ADK: variants seen among roughly 807,000 people sequenced by gnomAD.
The protein encoded by ADK is N6,N6-dimethyladenosine kinase.
Under a neutral mutation model 44.7 loss-of-function variants are expected in ADK, and 24 were observed. The observed-to-expected ratio is 0.54, with a 90% CI of 0.39 to 0.76. ADK has a LOEUF of 0.76. Ranked by LOEUF, ADK falls within the 30% of genes least tolerant of loss-of-function variation. The probability of loss-of-function intolerance (pLI) is 0.00; values close to 1 mark genes in which losing one functional copy is unlikely to be tolerated. For missense variants in ADK, 321 were observed against 425.1 expected (o/e 0.76, Z 2.15); for synonymous variants, 128 against 142.6 (o/e 0.90, Z 0.73).
intron 4 of ADK, among the ~76,000 whole-genome samples, chr10:74,385,160 A>C (rs1843101352): frequency 6.6e-6 from 1 of 152,200 alleles, no homozygotes; most frequent in African/African-American, 2.4e-5. Context: ...AAAGTGGCAA[A>C]TTGTATGGTT....
intron 8 of ADK, among the ~76,000 whole-genome samples, chr10:74,590,466 G>T (rs1335618821): frequency 1.3e-5 from 2 of 152,092 alleles, no homozygotes; most frequent in Non-Finnish European, 2.9e-5. Flanking sequence ...CATGTCATCA[G>T]ACTTGACAAA....
intron 3 of ADK, among the ~76,000 whole-genome samples, chr10:74,304,585 A>C (rs932209363): frequency 2.0e-5 from 3 of 152,160 alleles, no homozygotes; most frequent in African/African-American, 7.2e-5. Flanking sequence ...AGAGAATAGA[A>C]ATTCTTTTTT....
Position 74,401,351 on chromosome 10 carries a change from AGTAG to A in ADK, c.555+2775_555+2778del, listed in dbSNP as rs1349705773. Among the ~76,000 whole-genome samples, 3 of 152,138 alleles carry A rather than the reference AGTAG, an allele frequency of 2.0e-5. No individual in the cohort carries two copies. In the East Asian group the frequency reaches 5.8e-4, roughly 29 times the overall value. On this transcript the variant is annotated intron_variant, in intron 6 of 10. Transcript: ENST00000539909. ...GAGATCGAGTCCAGCTTGGGCAACAAGTAGGTCTCTAAGGACTTGCTTTATGAAT... is the reference window on the plus strand; with the variant it reads ...GAGATCGAGTCCAGCTTGGGCAACAAGTCTCTAAGGACTTGCTTTATGAAT...
intron 6 of ADK, among the ~76,000 whole-genome samples, chr10:74,407,018 C>T (rs1256048509): frequency 4.1e-5 from 6 of 146,680 alleles, no homozygotes; most frequent in African/African-American, 7.6e-5. Flanking sequence ...GTTCTCGTTC[C>T]GTCGCCCAAG....
chr10:74,541,516 G>A (rs1849625232), intron 7 of ADK, among the ~76,000 whole-genome samples: 1 of 152,072 alleles, frequency 6.6e-6, no homozygotes, highest in Non-Finnish European at 1.5e-5. Context: ...ATTTTGAAGA[G>A]TCCTGACTGG....
intron 9 of ADK, among the ~76,000 whole-genome samples, chr10:74,642,767 T>G (rs1409428138): frequency 6.6e-6 from 1 of 151,884 alleles, no homozygotes; most frequent in Non-Finnish European, 1.5e-5. Flanking sequence ...TCAAAACTTA[T>G]TCTCCTGAGT....
At chr10:74,473,187 CACACAG>C (rs993952666) in intron 6 of ADK, among the ~76,000 whole-genome samples, 1 of 87,090 alleles carries the variant, frequency 1.1e-5, no homozygotes, top group African/African-American at 3.1e-5. Context: ...CATACATATA[CACACAG>C]ACACACACAC....
At chr10:74,357,846 AAAG>A (rs1156380884) in intron 4 of ADK, among the ~76,000 whole-genome samples, 2 of 152,216 alleles carry the variant, frequency 1.3e-5, no homozygotes, top group African/African-American at 4.8e-5. Flanking sequence ...AAACTAAAAA[AAAG>A]TTATAGATTG....
chr10:74,646,740 A>T (rs1854068274), intron 9 of ADK, among the ~76,000 whole-genome samples: 1 of 152,204 alleles, frequency 6.6e-6, no homozygotes, highest in Non-Finnish European at 1.5e-5. Flanking sequence ...AATATTGAAG[A>T]AAAAATGAAG....
At chr10:74,269,845 AAAAT>A (rs1846358893) in intron 3 of ADK, among the ~76,000 whole-genome samples, 1 of 152,138 alleles carries the variant, frequency 6.6e-6, no homozygotes, top group Non-Finnish European at 1.5e-5. Context: ...AAAAATACAA[AAAAT>A]TAGCTGGGCG....
chr10:74,592,980 C>G (rs1302624075), intron 8 of ADK, among the ~76,000 whole-genome samples: 1 of 152,174 alleles, frequency 6.6e-6, no homozygotes, highest in African/African-American at 2.4e-5. Context: ...CAGGATAGAA[C>G]ATATGCATCA....
At position 74,346,752 on chromosome 10, in the gene ADK, T is replaced by C. The variant is rs552184879; in HGVS notation, c.273+32007T>C. ...ACGACAGTTCCATAACAGGAATGAA[T>C]TGAAGAAGAGAAGCAGTGGAGTCAG... On this transcript the variant is annotated intron_variant, in intron 4 of 10. Coordinates refer to ENST00000539909, the MANE Select transcript of ADK (RefSeq NM_006721.4). Among the ~76,000 whole-genome samples, 49 of 152,148 alleles carry C rather than the reference T, an allele frequency of 3.2e-4. No individual in the cohort carries two copies. The South Asian group carries it at 9.3e-3, about 29-fold the overall frequency.
At chr10:74,624,674 G>A (rs1015752435) in intron 9 of ADK, among the ~76,000 whole-genome samples, 5 of 151,938 alleles carry the variant, frequency 3.3e-5, no homozygotes, top group South Asian at 2.1e-4. Context: ...CAGTTTTTTC[G>A]TTATTAGGAT....
chr10:74,343,487 G>A (rs1369440026), intron 4 of ADK, among the ~76,000 whole-genome samples: 1 of 152,180 alleles, frequency 6.6e-6, no homozygotes, highest in African/African-American at 2.4e-5. Flanking sequence ...AGGCAGAGGA[G>A]GAACTGGTTT....
At chr10:74,394,765 G>A (rs866411991) in intron 5 of ADK, among the ~76,000 whole-genome samples, 11 of 152,240 alleles carry the variant, frequency 7.2e-5, no homozygotes, top group Middle Eastern at 6.8e-3. Flanking sequence ...ATTCAGGCTC[G>A]TAAGACTTAG....
chr10:74,243,094 CGCAAT>C (rs1396757639), intron 3 of ADK, among the ~76,000 whole-genome samples: 1 of 152,242 alleles, frequency 6.6e-6, no homozygotes, highest in African/African-American at 2.4e-5. Flanking sequence ...AGCCACCCCA[CGCAAT>C]GTGGTAAGGG....
In ADK at chr10:74,151,362, G is replaced by A; in HGVS notation, c.65+19G>A. 1 of 1,549,444 alleles carries A rather than the reference G, an allele frequency of 6.5e-7. No individual in the cohort carries two copies. Among genetic ancestry groups the A allele is most frequent in the Non-Finnish European group, 8.7e-7 (1 of 1,146,718 alleles). On this transcript the variant is annotated intron_variant, in intron 1 of 10. Coordinates refer to ENST00000539909, the MANE Select transcript of ADK (RefSeq NM_006721.4). ...CGCTGAGGTGAGCGCTGCCGGACTTGGGGAGGAGGGTGACGGCGCTGCAAG... is the reference window on the plus strand; with the variant it reads ...CGCTGAGGTGAGCGCTGCCGGACTTAGGGAGGAGGGTGACGGCGCTGCAAG...
chr10:74,604,001 GGAT>G (rs1852231640), intron 9 of ADK, among the ~76,000 whole-genome samples: 3 of 152,154 alleles, frequency 2.0e-5, no homozygotes, highest in Non-Finnish European at 4.4e-5. Flanking sequence ...TAATGACCAG[GGAT>G]GATGAGCTTT....
At chr10:74,406,413 G>C (rs1276617955) in intron 6 of ADK, among the ~76,000 whole-genome samples, 2 of 151,458 alleles carry the variant, frequency 1.3e-5, no homozygotes, top group Non-Finnish European at 2.9e-5. Flanking sequence ...TATTTTGTGT[G>C]GTTGGGGTTT....
Sources: allele counts gnomAD v4.1 joint callset (sites outside exome capture counted in the v4.1 genomes callset), GRCh38; gene constraint gnomAD v4.1.1; transcripts MANE v1.5; gene names NCBI Gene and HGNC (gene_info 2026-07-23, HGNC 2026-07-21).